GPR158: variants seen among roughly 807,000 people sequenced by gnomAD.
The protein encoded by GPR158 is G protein-coupled receptor 158.
Under a neutral mutation model 78.2 loss-of-function variants are expected in GPR158, and 30 were observed. The observed-to-expected ratio is 0.38, with a 90% CI of 0.29 to 0.52. The LOEUF is 0.52. Among genes scored for constraint, GPR158 ranks in the 20% least tolerant of loss-of-function variants. GPR158 has a pLI of 0.83. For synonymous variants in GPR158, 581 were observed against 591.1 expected (o/e 0.98, Z 0.25); for missense variants, 1,463 against 1,523.5 (o/e 0.96, Z 0.66).
At chr10:25,495,642 A>G (rs1026435541) in intron 5 of GPR158, among the ~76,000 whole-genome samples, 1 of 151,898 alleles carries the variant, frequency 6.6e-6, no homozygotes, top group Non-Finnish European at 1.5e-5. Flanking sequence ...CAGTAAAGAG[A>G]AATGACCAAA....
intron 5 of GPR158, among the ~76,000 whole-genome samples, chr10:25,547,078 G>A (rs929986527): frequency 1.3e-5 from 2 of 152,260 alleles, no homozygotes; most frequent in Non-Finnish European, 1.5e-5. Context: ...GATCCCATCA[G>A]TTGCCATTTG....
At chr10:25,322,478 G>GTCTT (rs1420303666) in intron 2 of GPR158, among the ~76,000 whole-genome samples, 1 of 152,122 alleles carries the variant, frequency 6.6e-6, no homozygotes, top group Non-Finnish European at 1.5e-5. Flanking sequence ...AGCTAGAAAA[G>GTCTT]TCTTTGTATC....
chr10:25,248,267 G>T (rs1853731401), intron 2 of GPR158, among the ~76,000 whole-genome samples: 1 of 151,994 alleles, frequency 6.6e-6, no homozygotes, highest in African/African-American at 2.4e-5. Context: ...TTTGTAGGTT[G>T]CCTATTCACT....
intron 5 of GPR158, among the ~76,000 whole-genome samples, chr10:25,482,737 C>T (rs572064104): frequency 4.6e-5 from 7 of 152,194 alleles, no homozygotes; most frequent in South Asian, 2.1e-4. Flanking sequence ...CTTGTATGTG[C>T]GTGTATCTAT....
chr10:25,295,036 AG>A (rs1854492591), intron 2 of GPR158, among the ~76,000 whole-genome samples: 1 of 150,478 alleles, frequency 6.6e-6, no homozygotes, highest in African/African-American at 2.5e-5. Context: ...GCGTTTCATT[AG>A]GAGATTTTCT....
chr10:25,237,268 A>G (rs767873811), intron 2 of GPR158, among the ~76,000 whole-genome samples: 12 of 152,190 alleles, frequency 7.9e-5, no homozygotes, highest in Non-Finnish European at 1.6e-4. Flanking sequence ...GAACCTGGTT[A>G]TTCATGGAAC....
chr10:25,542,822 T>TAAAAA (rs1199280069), intron 5 of GPR158, among the ~76,000 whole-genome samples: 1 of 34,982 alleles, frequency 2.9e-5, no homozygotes, highest in African/African-American at 3.4e-4. Context: ...AAACTCCATC[T>TAAAAA]CAAAAAAAAA....
At chr10:25,468,853 A>G (rs1015325970) in intron 5 of GPR158, among the ~76,000 whole-genome samples, 4 of 152,376 alleles carry the variant, frequency 2.6e-5, no homozygotes, top group African/African-American at 9.6e-5. Context: ...CTTACAGTGT[A>G]GAGGAAGAGA....
chr10:25,486,812 C>CTTT (rs138444360), intron 5 of GPR158, among the ~76,000 whole-genome samples: 72 of 150,566 alleles, frequency 4.8e-4, no homozygotes, highest in South Asian at 1.5e-3. Flanking sequence ...TATGATAGAC[C>CTTT]ATTTTTTTTT....
intron 7 of GPR158, among the ~76,000 whole-genome samples, chr10:25,578,538 T>G (rs770667745): frequency 6.6e-6 from 1 of 152,332 alleles, no homozygotes; most frequent in East Asian, 1.9e-4. Context: ...GGCCATTTTA[T>G]GAAACTCTAC....
At chr10:25,466,219 C>T (rs1444965679) in intron 4 of GPR158, 2 of 155,658 alleles carry the variant, frequency 1.3e-5, no homozygotes, top group Admixed American at 1.3e-4. Flanking sequence ...ACCGCACACT[C>T]TTTGGGTCTG....
Position 25,466,673 on chromosome 10 carries a change from T to C in GPR158, c.1358T>C (p.Ile453Thr). 6.2e-7 allele frequency: 1 copy of C among 1,607,682 alleles called. No homozygotes were observed. Among genetic ancestry groups the C allele is most frequent in the Non-Finnish European group, 8.5e-7 (1 of 1,176,044 alleles). Residue 453 changes from isoleucine to threonine, a missense_variant, in exon 5 of 11, where the codon ATC (isoleucine) becomes ACC (threonine). By Grantham distance (89) the Ile-to-Thr change is moderately conservative. Coordinates refer to ENST00000376351, the MANE Select transcript of GPR158 (RefSeq NM_020752.3). ...CAGAGCATCCGGGCATCGGGCCTTA[T>C]CCTGTTGGAAACGATCCTTTTTGGA... Reference protein sequence around the residue: ...KAKSIRASGLILLETILFGSL... With the variant: ...KAKSIRASGLTLLETILFGSL...
intron 4 of GPR158, among the ~76,000 whole-genome samples, chr10:25,412,688 C>G (rs144829158): frequency 5.9e-4 from 90 of 152,268 alleles, no homozygotes; most frequent in African/African-American, 2.1e-3. Context: ...GACTGTTTCC[C>G]CTTGTTTAGC....
chr10:25,248,415 C>T (rs1167547683), intron 2 of GPR158, among the ~76,000 whole-genome samples: 4 of 152,038 alleles, frequency 2.6e-5, no homozygotes, highest in Admixed American at 6.6e-5. Flanking sequence ...ATGGTAATGC[C>T]TAGGTTTTCT....
At chr10:25,285,576 G>T (rs1227325027) in intron 2 of GPR158, among the ~76,000 whole-genome samples, 1 of 152,110 alleles carries the variant, frequency 6.6e-6, no homozygotes, top group African/African-American at 2.4e-5. Context: ...GTGTATTCCA[G>T]TTTCTGCAGA....
At chr10:25,222,429 C>G (rs938059641) in intron 2 of GPR158, among the ~76,000 whole-genome samples, 20 of 151,706 alleles carry the variant, frequency 1.3e-4, no homozygotes, top group Admixed American at 1.2e-3. Flanking sequence ...CACAGCCCCC[C>G]CATTCCCTCA....
At chr10:25,290,670 A>G (rs1164849638) in intron 2 of GPR158, among the ~76,000 whole-genome samples, 1 of 151,768 alleles carries the variant, frequency 6.6e-6, no homozygotes, top group Non-Finnish European at 1.5e-5. Context: ...ACTTTGTGGG[A>G]GGGAGGTGGT....
intron 2 of GPR158, among the ~76,000 whole-genome samples, chr10:25,266,134 C>T (rs1336194244): frequency 6.6e-6 from 1 of 152,182 alleles, no homozygotes; most frequent in African/African-American, 2.4e-5. Context: ...CTTCAGATCT[C>T]AGCTCAGTCT....
intron 2 of GPR158, among the ~76,000 whole-genome samples, chr10:25,248,382 C>A (rs575856007): frequency 1.9e-4 from 29 of 151,998 alleles, no homozygotes; most frequent in African/African-American, 6.8e-4. Context: ...TGGACATGGT[C>A]CTTGCCCATG....
Sources: gnomAD v4.1 joint callset for allele counts (sites outside exome capture counted in the v4.1 genomes callset) on GRCh38, gnomAD v4.1.1 for gene constraint, MANE v1.5 for transcripts, NCBI Gene and HGNC (gene_info 2026-07-23, HGNC 2026-07-21) for gene names.